SGCG: variants seen among roughly 807,000 people sequenced by gnomAD.
The protein encoded by SGCG is sarcoglycan gamma.
A neutral mutation model predicts 29.3 loss-of-function variants in SGCG; 26 were observed. That is an observed-to-expected ratio of 0.89 (90% CI 0.65 to 1.23). The LOEUF (loss-of-function observed/expected upper bound fraction) is 1.23. Ranked by LOEUF, SGCG falls within the 50% of genes most tolerant of loss-of-function variation. SGCG has a pLI of 0.00. For missense variants in SGCG, 353 were observed against 356.0 expected (o/e 0.99, Z 0.07); for synonymous variants, 145 against 129.7 (o/e 1.12, Z -0.80).
chr13:23,273,662 G>C (rs1880952381), intron 4 of SGCG, among the ~76,000 whole-genome samples: 1 of 152,136 alleles, frequency 6.6e-6, no homozygotes, highest in Non-Finnish European at 1.5e-5. Flanking sequence ...TTAAATTTCT[G>C]GGTGAATGGG....
chr13:23,203,900 T>G lies in SGCG; in HGVS notation c.195+11T>G. The G allele has an allele frequency of 6.4e-7, 1 of 1,564,708 alleles. No homozygotes were observed. The highest frequency in any genetic ancestry group is 8.8e-7 in the Non-Finnish European group (1 of 1,134,968). ...ATGTGGTTTTCTCCAGTAAGTATCA[T>G]TATTTTCTGGTAAGCATGTTCTTGT... On this transcript the variant is annotated intron_variant, in intron 2 of 7. Coordinates refer to ENST00000218867, the MANE Select transcript of SGCG (RefSeq NM_000231.3).
chr13:23,247,403 AGGTAAAC>A (rs1252941685), intron 3 of SGCG, among the ~76,000 whole-genome samples: 1 of 152,182 alleles, frequency 6.6e-6, no homozygotes, highest in Non-Finnish European at 1.5e-5. Context: ...AGGAAGGCTA[AGGTAAAC>A]TGCCCTTGAT....
At chr13:23,180,841 GT>G (rs1876706604), upstream of SGCG, 1 of 152,186 alleles carries the variant, frequency 6.6e-6, no homozygotes, top group African/African-American at 2.4e-5. Flanking sequence ...AATTTTAAGT[GT>G]GGTATGAACT....
chr13:23,264,479 A>G (rs533888007), intron 4 of SGCG, among the ~76,000 whole-genome samples: 5 of 152,294 alleles, frequency 3.3e-5, no homozygotes, highest in South Asian at 4.1e-4. Context: ...AGAAGAATCA[A>G]TATTGCAAAA....
At position 23,227,412 on chromosome 13, in the gene SGCG, T is replaced by C. The variant is rs1026098404; in HGVS notation, c.196-7199T>C. 2.6e-5 allele frequency among the ~76,000 whole-genome samples: 4 copies of C among 151,956 alleles called. 1 individual carries two copies. Among genetic ancestry groups the C allele is most frequent in the Admixed American group, 2.6e-4 (4 of 15,256 alleles). On this transcript the variant is annotated intron_variant, in intron 2 of 7. Transcript: ENST00000218867. ...TATTGCTTATGGGAATGCAAAATGG[T>C]GTGGCCTCTTTGGAAAACAACATTT...
Position 23,203,765 on chromosome 13 carries a change from A to T in SGCG, c.71A>T (p.Tyr24Phe). The change falls in exon 2 of 8, where the codon TAC becomes TTC. Residue 24 changes from tyrosine to phenylalanine, a missense_variant. Tyr to Phe is a conservative substitution (Grantham distance 22, BLOSUM62 3). Transcript: ENST00000218867. Reference sequence around the variant, plus strand: ...GAGAGGCCAGAGAATCAGTATGTCTACAAAATTGGCATTTATGGCTGGAGA... The same window carrying T: ...GAGAGGCCAGAGAATCAGTATGTCTTCAAAATTGGCATTTATGGCTGGAGA... Reference protein sequence around the residue: ...CIERPENQYVYKIGIYGWRKR... With the variant: ...CIERPENQYVFKIGIYGWRKR... 1 of 1,614,030 alleles carries T rather than the reference A, an allele frequency of 6.2e-7. No homozygotes were observed. Among genetic ancestry groups the T allele is most frequent in the Non-Finnish European group, 8.5e-7 (1 of 1,179,880 alleles).
At chr13:23,316,907 A>G (rs1407054607) in intron 6 of SGCG, among the ~76,000 whole-genome samples, 1 of 152,216 alleles carries the variant, frequency 6.6e-6, no homozygotes, top group Admixed American at 6.5e-5. Context: ...GACCCAGACT[A>G]TCAAGATGAA....
chr13:23,214,722 C>G (rs776080752), intron 2 of SGCG, among the ~76,000 whole-genome samples: 4 of 152,122 alleles, frequency 2.6e-5, no homozygotes, highest in Non-Finnish European at 4.4e-5. Context: ...ACCTGCATCT[C>G]CATCCCATTT....
At chr13:23,200,889 T>TG (rs1877721084) in intron 1 of SGCG, among the ~76,000 whole-genome samples, 1 of 152,102 alleles carries the variant, frequency 6.6e-6, no homozygotes, top group Non-Finnish European at 1.5e-5. Context: ...GTAAGACCAC[T>TG]GTTCCTGGAG....
At chr13:23,203,442 C>A (rs537386777) in intron 1 of SGCG, among the ~76,000 whole-genome samples, 2 of 152,212 alleles carry the variant, frequency 1.3e-5, no homozygotes, top group South Asian at 4.2e-4. Flanking sequence ...AAAATATGGT[C>A]ACTAGATTTC....
chr13:23,302,121 T>C (rs1042689629), intron 6 of SGCG, among the ~76,000 whole-genome samples: 3 of 152,108 alleles, frequency 2.0e-5, no homozygotes, highest in African/African-American at 7.2e-5. Flanking sequence ...AAGCTCTTCT[T>C]ATGGAGTCAG....
rs143398756 is a variant in SGCG, at chr13:23,225,112, G to C, written c.196-9499G>C. Among the ~76,000 whole-genome samples the C allele has an allele frequency of 3.9e-4, 59 of 152,246 alleles. 1 individual carries two copies. In the East Asian group the frequency reaches 0.011, roughly 28 times the overall value. The stretch of plus-strand genomic sequence containing the variant: ...TCATGGAAGTTTGACAAGAACCTCA[G>C]CACCTTCCACCACCTCATCCTCAGT... On this transcript the variant is annotated intron_variant, in intron 2 of 7. Coordinates refer to ENST00000218867, the MANE Select transcript of SGCG (RefSeq NM_000231.3).
At chr13:23,218,347 A>T (rs955055043) in intron 2 of SGCG, among the ~76,000 whole-genome samples, 6 of 152,146 alleles carry the variant, frequency 3.9e-5, no homozygotes, top group African/African-American at 1.2e-4. Flanking sequence ...TTCAACCCTT[A>T]TGGCATATAA....
At chr13:23,297,956 G>C (rs181616174) in intron 6 of SGCG, among the ~76,000 whole-genome samples, 43 of 151,964 alleles carry the variant, frequency 2.8e-4, no homozygotes, top group Admixed American at 2.2e-3. Flanking sequence ...TGTTGGTCAG[G>C]CTGGTCTTGA....
At position 23,299,425 on chromosome 13, in the gene SGCG, TATATATATATATATATATA is replaced by T. The variant is rs1882038559; in HGVS notation, c.578+3939_578+3957del. On this transcript the variant is annotated intron_variant, in intron 6 of 7. Transcript: ENST00000218867. ...TAGTTGGCATATATATATATATATA[TATATATATATATATATATA>T]TATATATATATATTTTTTTTTTTTT... Among the ~76,000 whole-genome samples, 13 of 6,118 alleles carry T rather than the reference TATATATATATATATATATA, an allele frequency of 2.1e-3. 1 individual carries two copies. Among genetic ancestry groups the T allele is most frequent in the Non-Finnish European group, 5.5e-3 (11 of 2,014 alleles). The allele number at this position is 6,118 out of a possible 152,430, so 4.0% of individuals were successfully genotyped here. A position where few individuals can be genotyped will look rare whatever the true frequency, so the allele number is the denominator to read the frequency against.
rs116372021 is a variant in SGCG, at chr13:23,202,099, G to A, written c.1-1596G>A. Among the ~76,000 whole-genome samples, 506 of 152,322 alleles carry A rather than the reference G, an allele frequency of 3.3e-3. 2 individuals are homozygous for A. The highest frequency in any genetic ancestry group is 0.011 in the African/African-American group (477 of 41,566). On this transcript the variant is annotated intron_variant, in intron 1 of 7. Coordinates refer to ENST00000218867, the MANE Select transcript of SGCG (RefSeq NM_000231.3). ...GAGAATTAGCCTGGTCTGTTGAAGA[G>A]TATCTACTCTTTGCTTCAGTCTTGT...
chr13:23,271,364 T>C (rs1241869878), intron 4 of SGCG, among the ~76,000 whole-genome samples: 1 of 152,112 alleles, frequency 6.6e-6, no homozygotes, highest in Non-Finnish European at 1.5e-5. Context: ...GGAAGAAGAA[T>C]AATTGTCTTA....
At chr13:23,302,846 G>A (rs1882215920) in intron 6 of SGCG, among the ~76,000 whole-genome samples, 1 of 152,104 alleles carries the variant, frequency 6.6e-6, no homozygotes. Flanking sequence ...TGTTTTTTAA[G>A]TAGATGTCCC....
chr13:23,269,839 T>TG (rs1273549598), intron 4 of SGCG, among the ~76,000 whole-genome samples: 4 of 92,596 alleles, frequency 4.3e-5, no homozygotes, highest in South Asian at 3.7e-4. Context: ...ATGTATTTTG[T>TG]TTTTTTTTTT....
Sources: allele counts gnomAD v4.1 joint callset (sites outside exome capture counted in the v4.1 genomes callset), GRCh38; gene constraint gnomAD v4.1.1; transcripts MANE v1.5; gene names NCBI Gene and HGNC (gene_info 2026-07-23, HGNC 2026-07-21).